LRTM3: variants seen among roughly 807,000 people sequenced by gnomAD.
LRTM3 encodes the protein leucine-rich repeat transmembrane protein 3.
chr13:102,739,603 A>G, the LRTM3 span: 12 of 1,550,388 alleles, frequency 7.7e-6, no homozygotes, highest in Admixed American at 9.8e-5. Context: ...CTAACAGCAA[A>G]GGAAATTCCT....
the LRTM3 span, chr13:102,735,018 A>G: frequency 2.6e-6 from 4 of 1,551,180 alleles, no homozygotes; most frequent in South Asian, 1.2e-5. Flanking sequence ...GGTCTTGTTA[A>G]TATTGGTATG....
At chr13:102,749,814 C>A in the LRTM3 span, 1 of 1,551,364 alleles carries the variant, frequency 6.4e-7, no homozygotes, top group Non-Finnish European at 8.7e-7. Flanking sequence ...GAATCCTGTG[C>A]TTGGACAGAA....
At chr13:102,729,552 G>T in the LRTM3 span, 2 of 1,515,468 alleles carry the variant, frequency 1.3e-6, no homozygotes, top group Admixed American at 2.4e-5. Flanking sequence ...GCCACTAGGG[G>T]AATTCTGAAG....
the LRTM3 span, chr13:102,747,994 A>T: frequency 6.4e-7 from 1 of 1,550,996 alleles, no homozygotes. Context: ...GTGGCTTTTT[A>T]AATGTACAGC....
the LRTM3 span, chr13:102,738,628 A>C: frequency 6.5e-7 from 1 of 1,550,326 alleles, no homozygotes; most frequent in South Asian, 1.2e-5. Context: ...TTGAGATATT[A>C]TCAGAAATAC....
the LRTM3 span, chr13:102,735,452 T>A: frequency 6.4e-7 from 1 of 1,551,366 alleles, no homozygotes. Context: ...AAACTTAAGA[T>A]ATGGTGGAGT....
At chr13:102,741,310 T>C in the LRTM3 span, 2 of 1,550,062 alleles carry the variant, frequency 1.3e-6, no homozygotes, top group Non-Finnish European at 8.7e-7. Context: ...CTGCCTGTTT[T>C]AAGTGAAGAG....
chr13:102,743,817 C>A, the LRTM3 span: 6 of 1,549,832 alleles, frequency 3.9e-6, no homozygotes, highest in African/African-American at 1.4e-5. Flanking sequence ...AAACATTTGG[C>A]ATTGAATATA....
At chr13:102,751,637 C>T in the LRTM3 span, among the ~76,000 whole-genome samples, 1 of 152,150 alleles carries the variant, frequency 6.6e-6, no homozygotes. Flanking sequence ...TCAGATAATT[C>T]TAGTAGCTAT....
chr13:102,735,998 A>C, the LRTM3 span: 1 of 1,549,946 alleles, frequency 6.5e-7, no homozygotes. Flanking sequence ...CCTCAAATGT[A>C]TCCTTTTGGG....
the LRTM3 span, chr13:102,748,521 G>A: frequency 6.4e-7 from 1 of 1,550,676 alleles, no homozygotes; most frequent in African/African-American, 1.4e-5. Context: ...AGTTGAAGAT[G>A]GGAATTTTCT....
chr13:102,742,559 A>G, the LRTM3 span: 4 of 1,550,488 alleles, frequency 2.6e-6, no homozygotes, highest in Non-Finnish European at 3.5e-6. Context: ...TGCAACATTT[A>G]TCTTTGCTTC....
the LRTM3 span, chr13:102,738,164 G>T: frequency 6.4e-7 from 1 of 1,550,472 alleles, no homozygotes. Flanking sequence ...TGCCTTCTTT[G>T]CTTTCAGACC....
chr13:102,730,244 C>T, the LRTM3 span: 2 of 1,551,346 alleles, frequency 1.3e-6, no homozygotes, highest in East Asian at 2.4e-5. Context: ...CAAAGGAATG[C>T]CTGTCTGTAA....
the LRTM3 span, chr13:102,744,159 G>T: frequency 1.3e-6 from 2 of 1,550,324 alleles, no homozygotes; most frequent in African/African-American, 1.4e-5. Flanking sequence ...TTCTTTCTGT[G>T]GTTTTCTGTA....
chr13:102,735,611 C>T, the LRTM3 span: 23 of 1,550,934 alleles, frequency 1.5e-5, no homozygotes, highest in Middle Eastern at 1.7e-4. Flanking sequence ...CAGGTCTGTA[C>T]ATTTGGGGAG....
At chr13:102,741,199 A>G in the LRTM3 span, 3 of 1,549,744 alleles carry the variant, frequency 1.9e-6, no homozygotes, top group Non-Finnish European at 2.6e-6. Context: ...TTTTCTGTCT[A>G]TTTGATTTTA....
At chr13:102,756,312 A>G in the LRTM3 span, among the ~76,000 whole-genome samples, 5 of 23,334 alleles carry the variant, frequency 2.1e-4, no homozygotes, top group Non-Finnish European at 7.3e-4. Flanking sequence ...CCTTAGTTCG[A>G]AAAAAAAAAA....
chr13:102,740,031 G>A, the LRTM3 span: 2 of 1,550,308 alleles, frequency 1.3e-6, no homozygotes, highest in Admixed American at 2.0e-5. Context: ...CTATCCTTCT[G>A]TCCTTTACTT....
Sources: allele counts gnomAD v4.1 joint callset (sites outside exome capture counted in the v4.1 genomes callset), GRCh38; gene constraint gnomAD v4.1.1; transcripts MANE v1.5; gene names NCBI Gene and HGNC (gene_info 2026-07-23, HGNC 2026-07-21).